ZNF862: variants seen among roughly 807,000 people sequenced by gnomAD.
ZNF862 encodes zinc finger protein 862.
A neutral mutation model predicts 91.1 loss-of-function variants in ZNF862; 64 were observed. The ratio of observed to expected loss-of-function variants is 0.70; its 90% CI spans 0.57 to 0.87. ZNF862 has a LOEUF of 0.87. Among genes scored for constraint, ZNF862 ranks in the 40% least tolerant of loss-of-function variants. ZNF862 has a pLI of 0.00. For missense variants in ZNF862, 1,459 were observed against 1,528.0 expected, an observed-to-expected ratio of 0.95 and a Z score of 0.75; for synonymous variants, 631 against 618.1, an observed-to-expected ratio of 1.02 and a Z score of -0.31.
intron 1 of ZNF862, 109 bp from the exon 2 acceptor site, chr7:149,844,516 A>G: frequency 1.4e-6 from 1 of 694,208 alleles, no homozygotes; most frequent in South Asian, 1.8e-5. Context: ...ATGCATGTAA[A>G]TTGACAACAC....
At chr7:149,846,663 G>A (rs1214745037) in intron 3 of ZNF862, among the ~76,000 whole-genome samples, 8 of 152,072 alleles carry the variant, frequency 5.3e-5, no homozygotes, top group African/African-American at 1.4e-4. Context: ...TTCCTCTTTT[G>A]ATAAGACCCT....
Position 149,864,103 on chromosome 7 carries a change from T to C in ZNF862, c.3335-6T>C. On this transcript the variant is annotated splice_region_variant and splice_polypyrimidine_tract_variant and intron_variant, in intron 7 of 7. Transcript: ENST00000223210. ...GTCTAATTGTATTCTCCTTCCTCCCTCACAGGCGCCAGGCTCAGGAAGGAG... is the reference window on the plus strand; with the variant it reads ...GTCTAATTGTATTCTCCTTCCTCCCCCACAGGCGCCAGGCTCAGGAAGGAG... 6.4e-7 allele frequency: 1 copy of C among 1,569,630 alleles called. No individual in the cohort carries two copies. Among genetic ancestry groups the C allele is most frequent in the Non-Finnish European group, 8.6e-7 (1 of 1,157,642 alleles).
chr7:149,854,010 A>C (rs1802168126), intron 5 of ZNF862, among the ~76,000 whole-genome samples: 1 of 152,110 alleles, frequency 6.6e-6, no homozygotes, highest in South Asian at 2.1e-4. Context: ...GTTCCCCAGA[A>C]TCTTGTAGCT....
At position 149,850,131 on chromosome 7, in the gene ZNF862, G is replaced by A; in HGVS notation, c.940-30G>A. On this transcript the variant is annotated intron_variant, in intron 4 of 7. Transcript: ENST00000223210. This position sits in a 1 kb window ranked among gnomAD's most constrained non-coding sequence, Gnocchi z 4.2. The stretch of plus-strand genomic sequence containing the variant: ...ACGTGGGAGTCTGGCTCGGCAGGCG[G>A]TGCTGAGTGGCCGCTGCTCTTTGTT... 6.4e-7 allele frequency: 1 copy of A among 1,550,888 alleles called. No homozygotes were observed. The highest frequency in any genetic ancestry group is 1.2e-5 in the South Asian group (1 of 84,080).
At chr7:149,845,752 T>C (rs1178693260) in intron 2 of ZNF862, among the ~76,000 whole-genome samples, 1 of 152,234 alleles carries the variant, frequency 6.6e-6, no homozygotes, top group African/African-American at 2.4e-5. Flanking sequence ...GCCTGCATCC[T>C]GAGTGGCAGC....
At chr7:149,841,285 T>G in intron 1 of ZNF862, 1 of 985,420 alleles carries the variant, frequency 1.0e-6, no homozygotes, top group Non-Finnish European at 1.2e-6. Flanking sequence ...GGTGCTGTTT[T>G]GTGGTCTTTA....
At position 149,846,161 on chromosome 7, in the gene ZNF862, T is replaced by G; in HGVS notation, c.147T>G (p.Val49=). Residue 49 remains valine (V), a synonymous_variant, in exon 3 of 8, where the codon GTT becomes GTG. Coordinates refer to ENST00000223210, the MANE Select transcript of ZNF862 (RefSeq NM_001099220.3). The stretch of plus-strand genomic sequence containing the variant: ...TTTTTTTGGACTCAGGACCAACTGT[T>G]GCCAATCCTGAGCTGTTCCGCAAGT... ...NKLVAPLGPT[V]ANPELFRKFG... 2 of 1,613,262 alleles carry G rather than the reference T, an allele frequency of 1.2e-6. No homozygotes were observed. Among genetic ancestry groups the G allele is most frequent in the Non-Finnish European group, 1.7e-6 (2 of 1,179,618 alleles).
intron 5 of ZNF862, among the ~76,000 whole-genome samples, chr7:149,857,830 G>C (rs1382842213): frequency 6.6e-6 from 1 of 152,070 alleles, no homozygotes; most frequent in African/African-American, 2.4e-5. Flanking sequence ...CTGTTTGGAG[G>C]GTATGATAAG....
At chr7:149,848,520 A>G in intron 4 of ZNF862, 88 bp downstream of exon 4, 2 of 1,103,594 alleles carry the variant, frequency 1.8e-6, no homozygotes, top group Non-Finnish European at 2.5e-6. Flanking sequence ...TGGAAAAAAG[A>G]ATACTAGTGA....
intron 3 of ZNF862, among the ~76,000 whole-genome samples, chr7:149,846,696 C>A (rs1220629575): frequency 6.6e-6 from 1 of 152,142 alleles, no homozygotes; most frequent in African/African-American, 2.4e-5. Context: ...TTGGCTTAGC[C>A]AGGCCAGATG....
chr7:149,859,977 GA>G (rs1438329522), intron 6 of ZNF862: 1 of 255,284 alleles, frequency 3.9e-6, no homozygotes, highest in African/African-American at 2.3e-5. Context: ...ACTTCCTTCT[GA>G]GGCTTGTAAA....
chr7:149,845,862 C>T (rs1326454061), intron 2 of ZNF862, among the ~76,000 whole-genome samples: 2 of 152,256 alleles, frequency 1.3e-5, no homozygotes, highest in East Asian at 1.9e-4. Context: ...AGGCTGGCCC[C>T]TCTCAGTATT....
In ZNF862 at chr7:149,840,187, T is replaced by TAAAAAAAAA. The variant is rs60721842; in HGVS notation, c.24+1576_24+1584dup. On this transcript the variant is annotated intron_variant, in intron 1 of 7. Coordinates refer to ENST00000223210, the MANE Select transcript of ZNF862 (RefSeq NM_001099220.3). ...TTAGGTTTTAAGAAAGCTTAAAAAG[T>TAAAAAAAAA]AAAAAAAAAAAAAAAAAAAAAAAAA... is the stretch of plus-strand genomic sequence containing the variant. Among the ~76,000 whole-genome samples, 278 of 41,260 alleles carry TAAAAAAAAA rather than the reference T, an allele frequency of 6.7e-3. 1 individual carries two copies. Among genetic ancestry groups the TAAAAAAAAA allele is most frequent in the Non-Finnish European group, 9.0e-3 (199 of 22,000 alleles). 27.1% of individuals were successfully genotyped at this position (41,260 alleles called of 152,430 possible).
chr7:149,853,220 C>G (rs1802129705), intron 5 of ZNF862, among the ~76,000 whole-genome samples: 2 of 152,360 alleles, frequency 1.3e-5, no homozygotes, highest in South Asian at 4.1e-4. Context: ...CTGCACCTGG[C>G]TAGAGTGGCT....
Position 149,861,831 on chromosome 7 carries a change from G to A in ZNF862, c.2671G>A (p.Glu891Lys). 1 of 1,613,714 alleles carries A rather than the reference G, an allele frequency of 6.2e-7. No homozygotes were observed. Among genetic ancestry groups the A allele is most frequent in the Non-Finnish European group, 8.5e-7 (1 of 1,179,904 alleles). The change falls in exon 7 of 8, where the codon GAA (glutamate) becomes AAA (lysine). Residue 891 changes from glutamate (E) to lysine (K), a missense_variant. Glu to Lys is a moderately conservative substitution (Grantham distance 56, BLOSUM62 1). Transcript: ENST00000223210. The surrounding 1 kb of genome is among the most constrained non-coding windows in gnomAD (Gnocchi z 6.7). ...SLRHQAGPKE[E>K]EFNASFKDGR... ...CCGTCACCAGGCAGGGCCCAAAGAG[G>A]AAGAATTCAACGCCAGCTTCAAGGA...
Position 149,855,298 on chromosome 7 carries a change from G to A in ZNF862, c.1118-4124G>A, listed in dbSNP as rs577967347. On this transcript the variant is annotated intron_variant, in intron 5 of 7. Coordinates refer to ENST00000223210, the MANE Select transcript of ZNF862 (RefSeq NM_001099220.3). The surrounding 1 kb of genome is among the most constrained non-coding windows in gnomAD (Gnocchi z 4.1). ...ATCAGAGATTTACCAAAAGGAAAAT[G>A]TAGGAAACAAAAGCCCCGTCTCTGT... Among the ~76,000 whole-genome samples, 2 of 152,296 alleles carry A rather than the reference G, an allele frequency of 1.3e-5. No individual in the cohort carries two copies. The highest frequency in any genetic ancestry group is 3.9e-4 in the East Asian group (2 of 5,182).
In ZNF862 at chr7:149,862,143, G is replaced by C; in HGVS notation, c.2983G>C (p.Gly995Arg). ...GGAAGCTCTGCTGGAGGAGTGGCTG[G>C]GCCTGAAAACCATTGCCCAGCACCT... ...SEEALLEEWL[G>R]LKTIAQHLPF... The change falls in exon 7 of 8, where the codon GGC (glycine) becomes CGC (arginine). Residue 995 changes from glycine (G) to arginine (R), a missense_variant. Physicochemically the swap from Gly to Arg is moderately radical, Grantham distance 125 (BLOSUM62 -2). Transcript: ENST00000223210. 6.2e-7 allele frequency: 1 copy of C among 1,613,290 alleles called. No individual in the cohort carries two copies. Among genetic ancestry groups the C allele is most frequent in the South Asian group, 1.1e-5 (1 of 91,076 alleles).
intron 1 of ZNF862, among the ~76,000 whole-genome samples, chr7:149,840,053 C>CA (rs1491556024): frequency 1.3e-5 from 2 of 151,964 alleles, no homozygotes; most frequent in Admixed American, 6.6e-5. Flanking sequence ...ACACCGCTCT[C>CA]ACGTACAATC....
At chr7:149,863,870 C>A (rs1226533888) in intron 7 of ZNF862, among the ~76,000 whole-genome samples, 1 of 152,252 alleles carries the variant, frequency 6.6e-6, no homozygotes, top group East Asian at 1.9e-4. Flanking sequence ...CCACAAAAAT[C>A]ATCTCCAGAC....
Sources: gnomAD v4.1 joint callset for allele counts (sites outside exome capture counted in the v4.1 genomes callset) on GRCh38, gnomAD v4.1.1 for gene constraint, Gnocchi (gnomAD v3.1) non-coding constraint, MANE v1.5 for transcripts, NCBI Gene and HGNC (gene_info 2026-07-23, HGNC 2026-07-21) for gene names.